The following TMEM61 variants were observed in gnomAD, a reference collection of about 807,000 sequenced individuals.
TMEM61 encodes transmembrane protein 61.
Under a neutral mutation model 12.0 loss-of-function variants are expected in TMEM61, and 13 were observed. The observed-to-expected ratio is 1.08, with a 90% confidence interval of 0.70 to 1.72. TMEM61 has a LOEUF of 1.72. TMEM61 is among the 40% of genes most tolerant of loss of function. TMEM61 has a pLI of 0.00. For missense variants in TMEM61, 249 were observed against 276.9 expected (o/e 0.90, Z 0.71); for synonymous variants, 109 against 121.4 (o/e 0.90, Z 0.67).
chr1:54,991,906 A>G lies in TMEM61; in HGVS notation c.436A>G (p.Thr146Ala). ...VSFPVAEGPP[T>A]PPAYPTEEAL... ...CTTCCCAGTGGCCGAGGGGCCCCCA[A>G]CACCACCTGCATACCCTACGGAGGA... Residue 146 changes from threonine (T) to alanine (A), a missense_variant, in exon 3 of 3, where the codon ACA (threonine) becomes GCA (alanine). Transcript: ENST00000371268. 1 of 1,614,154 alleles carries G rather than the reference A, an allele frequency of 6.2e-7. No individual in the cohort carries two copies. The highest frequency in any genetic ancestry group is 8.5e-7 in the Non-Finnish European group (1 of 1,180,030).
intron 1 of TMEM61, among the ~76,000 whole-genome samples, chr1:54,984,217 T>C (rs1388719020): frequency 6.6e-6 from 1 of 152,168 alleles, no homozygotes; most frequent in Non-Finnish European, 1.5e-5. Flanking sequence ...GGATATATTG[T>C]TGTTGGCTGG....
chr1:54,984,033 TTCTC>T (rs541228642), intron 1 of TMEM61, among the ~76,000 whole-genome samples: 7 of 151,870 alleles, frequency 4.6e-5, no homozygotes, highest in Non-Finnish European at 8.8e-5. Flanking sequence ...CATGTGTACA[TTCTC>T]TCTCTCTCAC....
chr1:54,991,146 G>A (rs1644295331), intron 2 of TMEM61, among the ~76,000 whole-genome samples: 1 of 152,228 alleles, frequency 6.6e-6, no homozygotes, highest in African/African-American at 2.4e-5. Context: ...AGGCTGGCTG[G>A]GGCGTGGGTG....
intron 1 of TMEM61, among the ~76,000 whole-genome samples, chr1:54,983,119 T>G (rs1196698340): frequency 1.5e-5 from 2 of 131,886 alleles, no homozygotes; most frequent in East Asian, 2.1e-4. Flanking sequence ...GTTTTTTTTT[T>G]TTGTTTTTTT....
chr1:54,991,719 CA>C (rs1644299403), intron 2 of TMEM61, 116 bp from the exon 3 acceptor site: 2 of 1,283,686 alleles, frequency 1.6e-6, no homozygotes, highest in East Asian at 4.6e-5. Context: ...TGGAGAGCCA[CA>C]AAGGCTTGGA....
rs1644217181 is a variant in TMEM61 at position 54,981,087 on chromosome 1, G to A, written c.15+7G>A. 1.3e-6 allele frequency: 2 copies of A among 1,587,718 alleles called. No individual in the cohort carries two copies. The highest frequency in any genetic ancestry group is 1.7e-6 in the Non-Finnish European group (2 of 1,166,452). On this transcript the variant is annotated splice_region_variant and intron_variant, in intron 1 of 2. Coordinates refer to ENST00000371268, the MANE Select transcript of TMEM61 (RefSeq NM_182532.3). ...CCCGATGGCCCTGCCCCAGGTGGGT[G>A]GAAACGGCCTTCTCCCTCCTTTACG...
At chr1:54,991,281 T>C (rs1353474410) in intron 2 of TMEM61, among the ~76,000 whole-genome samples, 1 of 152,182 alleles carries the variant, frequency 6.6e-6, no homozygotes, top group Non-Finnish European at 1.5e-5. Context: ...GAGATAGAAG[T>C]GGTTGATCTG....
intron 1 of TMEM61, among the ~76,000 whole-genome samples, chr1:54,981,661 T>A (rs1306746997): frequency 1.3e-5 from 2 of 151,894 alleles, no homozygotes; most frequent in African/African-American, 4.8e-5. Context: ...TGGTATGGAG[T>A]AGGGCACGGA....
At chr1:54,985,023 A>G (rs1367801156) in intron 1 of TMEM61, among the ~76,000 whole-genome samples, 1 of 152,232 alleles carries the variant, frequency 6.6e-6, no homozygotes, top group Admixed American at 6.5e-5. Context: ...ACTAAGTTGA[A>G]AAAAGCAAGA....
At chr1:54,990,905 T>A (rs567783645) in intron 2 of TMEM61, among the ~76,000 whole-genome samples, 3 of 152,278 alleles carry the variant, frequency 2.0e-5, no homozygotes, top group East Asian at 3.9e-4. Context: ...AGCAGGAATG[T>A]GTCCAAGCAG....
intron 1 of TMEM61, among the ~76,000 whole-genome samples, chr1:54,982,495 A>G (rs1443924881): frequency 6.6e-6 from 1 of 152,200 alleles, no homozygotes; most frequent in Admixed American, 6.5e-5. Context: ...ACCGTCCCCC[A>G]GGATGGCAGG....
rs1644304298 is a variant in TMEM61, at chr1:54,992,102, A to G, written c.632A>G (p.Ter211=). The G allele has an allele frequency of 1.2e-6, 2 of 1,610,582 alleles. No homozygotes were observed. The highest frequency in any genetic ancestry group is 2.2e-5 in the East Asian group (1 of 44,884). Reference sequence around the variant, plus strand: ...GTTCAGACTGCACGGGGAGGAAGTTAAAGGCTCCTAGCAGGTCCTGAATCC... The same window carrying G: ...GTTCAGACTGCACGGGGAGGAAGTTGAAGGCTCCTAGCAGGTCCTGAATCC... ...GLVQTARGGS[*] is the part of the protein sequence containing the mutation. Residue 211 remains the stop codon, a stop_retained_variant, in exon 3 of 3, where the codon TAA becomes TGA. Transcript: ENST00000371268.
chr1:54,986,813 C>G (rs187628403), intron 2 of TMEM61, among the ~76,000 whole-genome samples: 2 of 151,886 alleles, frequency 1.3e-5, no homozygotes, highest in African/African-American at 2.4e-5. Flanking sequence ...CCACTGGGAC[C>G]CTGTTCTGGT....
intron 1 of TMEM61, among the ~76,000 whole-genome samples, chr1:54,983,117 TTTTTG>T (rs1409113298): frequency 5.4e-5 from 7 of 130,290 alleles, no homozygotes; most frequent in South Asian, 2.7e-4. Context: ...TTGTTTTTTT[TTTTTG>T]TTTTTTTTTG....
rs2253466 is a variant in TMEM61 at position 54,980,998 on chromosome 1, C to T, written c.-68C>T. The T allele has an allele frequency of 0.76, 1,139,778 of 1,502,142 alleles. 439,460 individuals are homozygous for T. The highest frequency in any genetic ancestry group is 0.8 in the Non-Finnish European group (889,894 of 1,118,408). The allele number at this position is 1,502,142 out of a possible 1,614,324, so 93.1% of individuals were successfully genotyped here. ...TAGGGTCGCTCAGCCCTGGCGTCCTCCACCACCACACCTTCACCTGCGCCC... is the reference window on the plus strand; with the variant it reads ...TAGGGTCGCTCAGCCCTGGCGTCCTTCACCACCACACCTTCACCTGCGCCC... On this transcript the variant is annotated 5_prime_UTR_variant, in exon 1 of 3. Transcript: ENST00000371268.
At position 54,981,046 on chromosome 1, in the gene TMEM61, C is replaced by G. The variant is rs745467444; in HGVS notation, c.-20C>G. On this transcript the variant is annotated 5_prime_UTR_variant, in exon 1 of 3. Coordinates refer to ENST00000371268, the MANE Select transcript of TMEM61 (RefSeq NM_182532.3). ...CCCGGCTCCCTGCGCGCCTGGACAG[C>G]GCCTGCTGCCCGCCTCCCGATGGCC... The G allele has an allele frequency of 1.3e-6, 2 of 1,572,204 alleles. No individual in the cohort carries two copies. Among genetic ancestry groups the G allele is most frequent in the Middle Eastern group, 1.7e-4 (1 of 6,004 alleles).
At chr1:54,991,745 C>T (rs1490716357) in intron 2 of TMEM61, 91 bp from the exon 3 acceptor site, 1 of 1,461,116 alleles carries the variant, frequency 6.8e-7, no homozygotes. Flanking sequence ...GGTGTGAAGA[C>T]TTCTCTGCCC....
chr1:54,982,605 T>TG (rs1219479930), intron 1 of TMEM61, among the ~76,000 whole-genome samples: 1 of 152,148 alleles, frequency 6.6e-6, no homozygotes, highest in African/African-American at 2.4e-5. Flanking sequence ...AAAGGGCAGT[T>TG]GCAGGGGCTA....
In TMEM61 at chr1:54,986,160, G is replaced by A. The variant is rs144119137; in HGVS notation, c.79G>A (p.Val27Ile). ...TTGCATGACAGTCAGCGGCACAGTG[G>A]TTCTGGTGGCCGGGACGCTCTGCTT... ...RYCMTVSGTV[V>I]LVAGTLCFAW... Residue 27 changes from valine (V) to isoleucine (I), a missense_variant, in exon 2 of 3, where the codon GTT becomes ATT. Coordinates refer to ENST00000371268, the MANE Select transcript of TMEM61 (RefSeq NM_182532.3). 2.5e-6 allele frequency: 4 copies of A among 1,612,766 alleles called. No homozygotes were observed. Among genetic ancestry groups the A allele is most frequent in the Non-Finnish European group, 3.4e-6 (4 of 1,179,246 alleles).
Sources: gnomAD v4.1 joint callset for allele counts (sites outside exome capture counted in the v4.1 genomes callset) on GRCh38, gnomAD v4.1.1 for gene constraint, MANE v1.5 for transcripts, NCBI Gene and HGNC (gene_info 2026-07-23, HGNC 2026-07-21) for gene names.